CRISP1: variants seen among roughly 807,000 people sequenced by gnomAD.
CRISP1 encodes the protein cysteine rich secretory protein 1, also known as cysteine-rich secretory protein 1.
A neutral mutation model predicts 33.1 loss-of-function variants in CRISP1; 44 were observed. The observed-to-expected ratio is 1.33, with a 90% CI of 1.05 to 1.71. CRISP1 has a LOEUF of 1.71. Ranked by LOEUF, CRISP1 falls within the 40% of genes most tolerant of loss-of-function variation. CRISP1 has a pLI of 0.00. For missense variants in CRISP1, 390 were observed against 301.2 expected, an observed-to-expected ratio of 1.29 and a Z score of -2.18; for synonymous variants, 103 against 98.7, an observed-to-expected ratio of 1.04 and a Z score of -0.26.
chr6:49,844,237 C>T (rs1305579015), intron 5 of CRISP1, among the ~76,000 whole-genome samples: 1 of 152,192 alleles, frequency 6.6e-6, no homozygotes, highest in East Asian at 1.9e-4. Flanking sequence ...TACATCTCAG[C>T]AGAAATAGAG....
chr6:49,853,537 A>T (rs544380893), intron 2 of CRISP1, among the ~76,000 whole-genome samples: 71 of 152,172 alleles, frequency 4.7e-4, no homozygotes, highest in African/African-American at 1.6e-3. Flanking sequence ...TTTAATGGTC[A>T]CCTACTATAT....
In CRISP1 at chr6:49,834,773, A is replaced by G. The variant is rs1294376636; in HGVS notation, c.*543T>C. ...TTATTGTTTCTTGCTTCACAAATGT[A>G]TATATAGATGTGTCAATAAAACAAT... On this transcript the variant is annotated 3_prime_UTR_variant, in exon 8 of 8. Transcript: ENST00000335847. 2 of 152,328 alleles carry G rather than the reference A, an allele frequency of 1.3e-5. No homozygotes were observed. The highest frequency in any genetic ancestry group is 4.8e-5 in the African/African-American group (2 of 41,452). 9.4% of individuals were successfully genotyped at this position (152,328 alleles called of 1,614,324 possible).
At position 49,864,807 on chromosome 6, in the gene CRISP1, A is replaced by G. The variant is rs145876834; in HGVS notation, c.-3+1622T>C. ...TTCTTTACATGTTCTTGATAGGGCA[A>G]TTGTCAAATGTTTTACGAATACCTT... On this transcript the variant is annotated intron_variant, in intron 1 of 7. Coordinates refer to ENST00000335847, the MANE Select transcript of CRISP1 (RefSeq NM_001131.3). 4.0e-4 allele frequency among the ~76,000 whole-genome samples: 61 copies of G among 152,126 alleles called. 1 individual carries two copies. The highest frequency in any genetic ancestry group is 1.4e-3 in the African/African-American group (60 of 41,514).
chr6:49,852,227 A>G (rs2127474210), intron 2 of CRISP1, 98 bp from the exon 3 acceptor site: 1 of 1,077,138 alleles, frequency 9.3e-7, no homozygotes, highest in South Asian at 1.7e-5. Flanking sequence ...TATAGTTTAT[A>G]TTAAACAGTG....
rs1338235010 is a variant in CRISP1, at chr6:49,835,171, T to A, written c.*145A>T. On this transcript the variant is annotated 3_prime_UTR_variant, in exon 8 of 8. Transcript: ENST00000335847. ...AGTTTAAAACAGTGTTACTTCAGGATGTATCAGGATGGGAGTTAAGGTCTC... is the reference window on the plus strand; with the variant it reads ...AGTTTAAAACAGTGTTACTTCAGGAAGTATCAGGATGGGAGTTAAGGTCTC... 1.3e-6 allele frequency: 1 copy of A among 760,842 alleles called. No homozygotes were observed. 47.1% of individuals were successfully genotyped at this position (760,842 alleles called of 1,614,324 possible).
rs530055563 is a variant in CRISP1 at position 49,835,424 on chromosome 6, A to G, written c.642T>C (p.Tyr214=). ...GTATGTCACAGTCGAAGTATTCATC[A>G]TAGTAGATGCAGGGGTTAGCTGAAA... ...DKLCTNPCIY[Y]DEYFDCDIQV... is the part of the protein sequence containing the mutation. The change falls in exon 8 of 8, where the codon TAT becomes TAC. Residue 214 remains tyrosine, a synonymous_variant. Transcript: ENST00000335847. 12 of 1,613,756 alleles carry G rather than the reference A, an allele frequency of 7.4e-6. No homozygotes were observed. In the East Asian group the frequency reaches 2.2e-4, roughly 30 times the overall value.
intron 3 of CRISP1, 87 bp downstream of exon 3, chr6:49,851,913 CA>C (rs1268116102): frequency 7.0e-7 from 1 of 1,434,332 alleles, no homozygotes; most frequent in African/African-American, 1.4e-5. Context: ...AAACTTTTAG[CA>C]CTTTGAAAGT....
At chr6:49,853,731 C>G (rs528078317) in intron 2 of CRISP1, among the ~76,000 whole-genome samples, 10 of 152,248 alleles carry the variant, frequency 6.6e-5, no homozygotes, top group African/African-American at 2.4e-4. Flanking sequence ...TTCCTTTCAT[C>G]TCTATCTGTG....
intron 1 of CRISP1, among the ~76,000 whole-genome samples, chr6:49,875,791 G>A (rs947051130): frequency 4.0e-5 from 6 of 151,424 alleles, no homozygotes; most frequent in African/African-American, 9.7e-5. Context: ...AAAAACAAGC[G>A]ATGGGTAAGT....
chr6:49,874,619 T>G (rs1266646839), intron 1 of CRISP1, among the ~76,000 whole-genome samples: 3 of 151,882 alleles, frequency 2.0e-5, no homozygotes, highest in Non-Finnish European at 4.4e-5. Context: ...AAACTTCAGG[T>G]CAATATCCTT....
chr6:49,870,391 G>A (rs1051725151), upstream of CRISP1, among the ~76,000 whole-genome samples: 2 of 152,052 alleles, frequency 1.3e-5, no homozygotes, highest in Non-Finnish European at 1.5e-5. Context: ...TAGTAAATTT[G>A]TCACTCCTAA....
intron 1 of CRISP1, among the ~76,000 whole-genome samples, chr6:49,873,636 A>G (rs1771972781): frequency 6.6e-6 from 1 of 152,112 alleles, no homozygotes; most frequent in African/African-American, 2.4e-5. Context: ...GAACAGAGTT[A>G]TTTATAGAAC....
At chr6:49,842,078 A>G (rs906433532) in intron 5 of CRISP1, among the ~76,000 whole-genome samples, 8 of 152,106 alleles carry the variant, frequency 5.3e-5, no homozygotes, top group Non-Finnish European at 1.2e-4. Context: ...TAGATAAAAT[A>G]TTGTTTTCTC....
intron 3 of CRISP1, 62 bp from the exon 4 acceptor site, chr6:49,848,361 A>AT: frequency 1.0e-6 from 1 of 981,916 alleles, no homozygotes; most frequent in Non-Finnish European, 1.5e-6. Flanking sequence ...ATTCTAATTT[A>AT]TTGTTTTTAA....
intron 2 of CRISP1, 119 bp downstream of exon 2, chr6:49,857,216 A>C (rs1771520071): frequency 2.3e-6 from 2 of 881,392 alleles, no homozygotes; most frequent in African/African-American, 1.7e-5. Context: ...TTGTGAAAAC[A>C]AAGTGAGTAA....
chr6:49,873,183 AAAAAT>A (rs1013892280), intron 1 of CRISP1, among the ~76,000 whole-genome samples: 2 of 152,034 alleles, frequency 1.3e-5, no homozygotes, highest in African/African-American at 4.8e-5. Context: ...ATAAAAATAA[AAAAAT>A]AAAATAAAAT....
chr6:49,838,619 G>A (rs930417970), intron 6 of CRISP1, 94 bp from the exon 7 acceptor site: 34 of 821,308 alleles, frequency 4.1e-5, no homozygotes, highest in African/African-American at 1.4e-4. Context: ...AAAACAAATT[G>A]TGTAAACATT....
At chr6:49,848,967 C>A (rs1222323731) in intron 3 of CRISP1, among the ~76,000 whole-genome samples, 1 of 152,014 alleles carries the variant, frequency 6.6e-6, no homozygotes, top group Non-Finnish European at 1.5e-5. Flanking sequence ...TGTTAAGTAA[C>A]TTTTCGGGGT....
intron 3 of CRISP1, among the ~76,000 whole-genome samples, chr6:49,848,836 C>T (rs1385408612): frequency 2.0e-5 from 3 of 152,016 alleles, no homozygotes; most frequent in Non-Finnish European, 2.9e-5. Flanking sequence ...TAAAAGCTAA[C>T]ACCACATGCC....
Sources: allele counts gnomAD v4.1 joint callset (sites outside exome capture counted in the v4.1 genomes callset), GRCh38; gene constraint gnomAD v4.1.1; transcripts MANE v1.5; gene names NCBI Gene and HGNC (gene_info 2026-07-23, HGNC 2026-07-21).